Variants in CNOT2 observed in about 807,000 individuals in gnomAD.
CNOT2 encodes the protein CCR4-NOT transcription complex subunit 2.
CNOT2 carries 7 observed loss-of-function variants against 72.1 expected under a neutral mutation model. The observed-to-expected ratio is 0.10, with a 90% CI of 0.06 to 0.18. The LOEUF (loss-of-function observed/expected upper bound fraction) is 0.18, where lower values mean the gene tolerates loss of function less well. Ranked by LOEUF, CNOT2 falls within the 10% of genes least tolerant of loss-of-function variation. The pLI, the probability that CNOT2 is intolerant of heterozygous loss-of-function variation, is 1.00. For missense variants in CNOT2, 345 were observed against 660.3 expected, an observed-to-expected ratio of 0.52 and a Z score of 5.23; for synonymous variants, 196 against 225.6, an observed-to-expected ratio of 0.87 and a Z score of 1.17.
At chr12:70,294,730 A>G (rs1000659517) in intron 2 of CNOT2, among the ~76,000 whole-genome samples, 4 of 152,074 alleles carry the variant, frequency 2.6e-5, no homozygotes, top group African/African-American at 7.2e-5. Context: ...TAGATGTGCT[A>G]TTTTTTCCTG....
At chr12:70,257,360 TTTTTTTTTTTTTC>T (rs570232057) in intron 1 of CNOT2, among the ~76,000 whole-genome samples, 2,015 of 148,654 alleles carry the variant, frequency 0.014, 49 homozygotes, top group African/African-American at 0.046. Context: ...CCCCCTTTTT[TTTTTTTTTTTTTC>T]TTTTTGAGAC....
At chr12:70,340,330 T>C (rs552753871) in intron 11 of CNOT2, among the ~76,000 whole-genome samples, 1 of 152,332 alleles carries the variant, frequency 6.6e-6, no homozygotes, top group East Asian at 1.9e-4. Context: ...CAGTTTCCTT[T>C]GCTGGTACCT....
chr12:70,304,662 C>G (rs1874869777), intron 2 of CNOT2, among the ~76,000 whole-genome samples: 1 of 152,242 alleles, frequency 6.6e-6, no homozygotes, highest in Non-Finnish European at 1.5e-5. Flanking sequence ...TCTCACATCT[C>G]AAGCTGTGTG....
intron 15 of CNOT2, 94 bp downstream of exon 15, chr12:70,346,418 C>A: frequency 2.1e-6 from 2 of 942,426 alleles, no homozygotes; most frequent in East Asian, 2.5e-5. Context: ...CATCCAGTTC[C>A]AGTAATGTGC....
intron 4 of CNOT2, among the ~76,000 whole-genome samples, chr12:70,320,062 A>G (rs1878032908): frequency 6.6e-6 from 1 of 151,642 alleles, no homozygotes; most frequent in Admixed American, 6.6e-5. Context: ...TAACTTCCCA[A>G]ATTGTTAAAT....
chr12:70,276,476 T>C (rs541846571), intron 1 of CNOT2, among the ~76,000 whole-genome samples: 2 of 152,120 alleles, frequency 1.3e-5, no homozygotes, highest in African/African-American at 4.8e-5. Flanking sequence ...TGTACTACTT[T>C]ACAATTTAAT....
At chr12:70,329,898 C>A (rs1210486395) in intron 5 of CNOT2, among the ~76,000 whole-genome samples, 1 of 151,932 alleles carries the variant, frequency 6.6e-6, no homozygotes, top group Non-Finnish European at 1.5e-5. Context: ...ATCATTGCTC[C>A]CTCGCCACAC....
intron 2 of CNOT2, among the ~76,000 whole-genome samples, chr12:70,295,185 A>G (rs1872615958): frequency 6.6e-6 from 1 of 152,164 alleles, no homozygotes; most frequent in Admixed American, 6.5e-5. Context: ...TTGCACATAC[A>G]AGACATTCAC....
intron 2 of CNOT2, among the ~76,000 whole-genome samples, chr12:70,288,776 A>G (rs907330453): frequency 1.1e-4 from 16 of 152,314 alleles, no homozygotes; most frequent in African/African-American, 3.4e-4. Flanking sequence ...ACTACCAAAC[A>G]ACATCTATTT....
chr12:70,317,575 A>T (rs61024068), intron 3 of CNOT2, among the ~76,000 whole-genome samples: 41,839 of 148,812 alleles, frequency 0.28, 6,176 homozygotes, highest in Admixed American at 0.44. Context: ...AGGTTGCACA[A>T]CCTCTGGATT....
chr12:70,323,234 C>G (rs1291387908), intron 4 of CNOT2: 2 of 151,740 alleles, frequency 1.3e-5, no homozygotes, highest in Admixed American at 1.3e-4. Flanking sequence ...TTTATGCCAT[C>G]TCTGCATAGT....
intron 2 of CNOT2, 128 bp downstream of exon 2, chr12:70,278,402 TTTAAA>T: frequency 1.7e-6 from 1 of 571,882 alleles, no homozygotes; most frequent in Non-Finnish European, 3.0e-6. Context: ...GGTTTATAAT[TTTAAA>T]TTAAGTACTG....
At chr12:70,301,172 T>A (rs963438174) in intron 2 of CNOT2, among the ~76,000 whole-genome samples, 2 of 152,008 alleles carry the variant, frequency 1.3e-5, no homozygotes, top group African/African-American at 4.8e-5. Context: ...GCAAACAGGG[T>A]CAATTTGACT....
Position 70,284,993 on chromosome 12 carries a change from C to T in CNOT2, c.48+6719C>T, listed in dbSNP as rs182189384. 9.2e-5 allele frequency among the ~76,000 whole-genome samples: 14 copies of T among 151,884 alleles called. No individual in the cohort carries two copies. The East Asian group carries it at 1.8e-3, about 20-fold the overall frequency. On this transcript the variant is annotated intron_variant, in intron 2 of 15. Transcript: ENST00000229195. ...ATATCTAGTAGCACCCCTGTGTGTT[C>T]GCTCTGGTGTTCCTTTTGGCAACGT...
intron 4 of CNOT2, among the ~76,000 whole-genome samples, chr12:70,328,254 A>T (rs747696571): frequency 6.5e-4 from 99 of 151,908 alleles, no homozygotes; most frequent in Non-Finnish European, 1.0e-3. Flanking sequence ...GATCAGTGAG[A>T]TACTCGCTAA....
chr12:70,273,236 A>G (rs897038403), intron 1 of CNOT2, among the ~76,000 whole-genome samples: 1 of 152,038 alleles, frequency 6.6e-6, no homozygotes, highest in African/African-American at 2.4e-5. Context: ...TAGTTAGTAC[A>G]TTTATTTCAC....
intron 2 of CNOT2, among the ~76,000 whole-genome samples, chr12:70,284,003 C>T (rs779008641): frequency 1.4e-5 from 2 of 140,842 alleles, no homozygotes; most frequent in South Asian, 2.2e-4. Context: ...GTGGCGCGAT[C>T]GCTGGAGTGC....
At chr12:70,256,937 C>T (rs1958481775) in intron 1 of CNOT2, among the ~76,000 whole-genome samples, 1 of 152,108 alleles carries the variant, frequency 6.6e-6, no homozygotes, top group African/African-American at 2.4e-5. Context: ...AAAACTGACA[C>T]CATAAGCATT....
At chr12:70,350,254 T>C (rs1217208793) in intron 15 of CNOT2, among the ~76,000 whole-genome samples, 2 of 152,188 alleles carry the variant, frequency 1.3e-5, no homozygotes, top group Non-Finnish European at 2.9e-5. Flanking sequence ...AGACTTAAAA[T>C]TTAAGAATTC....
Sources: gnomAD v4.1 joint callset for allele counts (sites outside exome capture counted in the v4.1 genomes callset) on GRCh38, gnomAD v4.1.1 for gene constraint, MANE v1.5 for transcripts, NCBI Gene and HGNC (gene_info 2026-07-23, HGNC 2026-07-21) for gene names.